SPOPL: variants seen among roughly 807,000 people sequenced by gnomAD.
The protein encoded by SPOPL is speckle type BTB/POZ protein like.
A neutral mutation model predicts 53.8 loss-of-function variants in SPOPL; 23 were observed. The ratio of observed to expected loss-of-function variants is 0.43; its 90% confidence interval spans 0.31 to 0.61. The LOEUF (loss-of-function observed/expected upper bound fraction) is 0.61. Ranked by LOEUF, SPOPL falls within the 20% of genes least tolerant of loss-of-function variation. The pLI, the probability that SPOPL is intolerant of heterozygous loss-of-function variation, is 0.12. For synonymous variants in SPOPL, 164 were observed against 149.7 expected (o/e 1.10, Z -0.70); for missense variants, 442 against 466.9 (o/e 0.95, Z 0.49).
intron 5 of SPOPL, 101 bp downstream of exon 5, chr2:138,552,782 GTTGA>G: frequency 2.3e-6 from 3 of 1,304,664 alleles, no homozygotes; most frequent in South Asian, 1.5e-5. Flanking sequence ...AATTGGTATA[GTTGA>G]TTGAGTTTCA....
chr2:138,560,398 A>G (rs1685517647), intron 7 of SPOPL, among the ~76,000 whole-genome samples: 1 of 152,086 alleles, frequency 6.6e-6, no homozygotes, highest in Non-Finnish European at 1.5e-5. Flanking sequence ...ACTGGTCAGA[A>G]ACTTAACACA....
At position 138,525,298 on chromosome 2, in the gene SPOPL, C is replaced by G. The variant is rs1449536895; in HGVS notation, c.-61+23179C>G. 2.6e-5 allele frequency among the ~76,000 whole-genome samples: 4 copies of G among 152,082 alleles called. No individual in the cohort carries two copies. In the East Asian group the frequency reaches 7.7e-4, roughly 29 times the overall value. On this transcript the variant is annotated intron_variant, in intron 1 of 10. Transcript: ENST00000280098. ...TATCATGAGAACAGCATGGGAAAGA[C>G]CCGCCCCCATGACTCGTCTCCCATC...
intron 1 of SPOPL, among the ~76,000 whole-genome samples, chr2:138,535,608 T>A (rs36035079): frequency 0.14 from 20,717 of 148,084 alleles, 1,670 homozygotes; most frequent in African/African-American, 0.21. Flanking sequence ...GATCCATGTG[T>A]TTGTGGGTTT....
At chr2:138,543,242 T>C (rs914755378) in intron 1 of SPOPL, among the ~76,000 whole-genome samples, 5 of 152,170 alleles carry the variant, frequency 3.3e-5, no homozygotes, top group African/African-American at 1.2e-4. Flanking sequence ...GGAGTATCTT[T>C]GTGGCATTCT....
In SPOPL at chr2:138,571,447, C is replaced by G. The variant is rs568322424; in HGVS notation, c.*2367C>G. On this transcript the variant is annotated 3_prime_UTR_variant, in exon 11 of 11. Coordinates refer to ENST00000280098, the MANE Select transcript of SPOPL (RefSeq NM_001001664.3). Reference sequence around the variant, plus strand: ...TGTACCAAAAATGTCAAACACTGTGCTGTAAGAATATCCATGTTTGTAGAA... The same window carrying G: ...TGTACCAAAAATGTCAAACACTGTGGTGTAAGAATATCCATGTTTGTAGAA... The G allele has an allele frequency of 9.8e-5, 15 of 152,458 alleles. No individual in the cohort carries two copies. Among genetic ancestry groups the G allele is most frequent in the African/African-American group, 3.6e-4 (15 of 41,480 alleles). 9.4% of individuals were successfully genotyped at this position (152,458 alleles called of 1,614,324 possible). A position where few individuals can be genotyped will look rare whatever the true frequency, so the allele number is the denominator to read the frequency against.
In SPOPL at chr2:138,527,937, C is replaced by T. The variant is rs369664080; in HGVS notation, c.-60-22220C>T. On this transcript the variant is annotated intron_variant, in intron 1 of 10. Coordinates refer to ENST00000280098, the MANE Select transcript of SPOPL (RefSeq NM_001001664.3). ...TGCATGCGTAAGCTGGGAACTGTTACACATGTCAAAGTAAGGAGGGCTTTA... is the reference window on the plus strand; with the variant it reads ...TGCATGCGTAAGCTGGGAACTGTTATACATGTCAAAGTAAGGAGGGCTTTA... Among the ~76,000 whole-genome samples, 39 of 152,312 alleles carry T rather than the reference C, an allele frequency of 2.6e-4. No homozygotes were observed. The East Asian group carries it at 6.9e-3, about 27-fold the overall frequency.
At chr2:138,550,787 T>G (rs1685296652) in intron 3 of SPOPL, 116 bp from the exon 4 acceptor site, 1 of 1,420,272 alleles carries the variant, frequency 7.0e-7, no homozygotes, top group Non-Finnish European at 9.5e-7. Context: ...GAGTGCTGTT[T>G]GTGACATTAA....
rs556971488 is a variant in SPOPL at position 138,547,244 on chromosome 2, G to A, written c.-60-2913G>A. Among the ~76,000 whole-genome samples the A allele has an allele frequency of 8.5e-5, 13 of 152,290 alleles. 1 individual carries two copies. The highest frequency in any genetic ancestry group is 2.9e-4 in the African/African-American group (12 of 41,554). ...GCCTCCCAAAGTGCTGGGATTACAGGCGTGAGCCACCGTGCCTGACTGTAG... is the reference window on the plus strand; with the variant it reads ...GCCTCCCAAAGTGCTGGGATTACAGACGTGAGCCACCGTGCCTGACTGTAG... On this transcript the variant is annotated intron_variant, in intron 1 of 10. Transcript: ENST00000280098.
chr2:138,555,851 CA>C lies in SPOPL; in HGVS notation c.481-3170del. 4.0e-5 allele frequency among the ~76,000 whole-genome samples: 6 copies of C among 151,622 alleles called. 2 individuals carry two copies. Among genetic ancestry groups the C allele is most frequent in the African/African-American group, 1.4e-4 (6 of 41,406 alleles). ...ATGACTTTGAGGTTTTGCTTTGCAACATTTAACAATTTTGAAGATTGCACAT... is the reference window on the plus strand; with the variant it reads ...ATGACTTTGAGGTTTTGCTTTGCAACTTTAACAATTTTGAAGATTGCACAT... On this transcript the variant is annotated intron_variant, in intron 5 of 10. Coordinates refer to ENST00000280098, the MANE Select transcript of SPOPL (RefSeq NM_001001664.3).
intron 1 of SPOPL, among the ~76,000 whole-genome samples, chr2:138,544,326 C>T (rs1055661123): frequency 1.3e-5 from 2 of 152,224 alleles, no homozygotes; most frequent in African/African-American, 2.4e-5. Flanking sequence ...GCCCTGCCCC[C>T]ACAGGTGGAG....
chr2:138,527,818 T>C (rs1046445818), intron 1 of SPOPL, among the ~76,000 whole-genome samples: 1 of 150,924 alleles, frequency 6.6e-6, no homozygotes, highest in Non-Finnish European at 1.5e-5. Context: ...TGTGTAGATC[T>C]GTTTCCCCAG....
At chr2:138,513,369 A>C (rs1684369919) in intron 1 of SPOPL, among the ~76,000 whole-genome samples, 3 of 152,174 alleles carry the variant, frequency 2.0e-5, no homozygotes, top group Admixed American at 2.0e-4. Context: ...GCCTGGCAAC[A>C]TGGTGAAACC....
Position 138,559,703 on chromosome 2 carries a change from A to T in SPOPL, c.714+366A>T, listed in dbSNP as rs114588541. 5.0e-3 allele frequency among the ~76,000 whole-genome samples: 755 copies of T among 152,324 alleles called. 7 individuals are homozygous for T. The highest frequency in any genetic ancestry group is 0.018 in the African/African-American group (729 of 41,572). ...GATTGATTTTTGGAATCTGTTTTCTAGCAACAAAAATAACATAGATGACAT... is the reference window on the plus strand; with the variant it reads ...GATTGATTTTTGGAATCTGTTTTCTTGCAACAAAAATAACATAGATGACAT... On this transcript the variant is annotated intron_variant, in intron 7 of 10. Transcript: ENST00000280098.
At chr2:138,549,919 G>A (rs1032017551) in intron 1 of SPOPL, among the ~76,000 whole-genome samples, 1 of 151,998 alleles carries the variant, frequency 6.6e-6, no homozygotes, top group African/African-American at 2.4e-5. Flanking sequence ...TGATTTTTTG[G>A]AGAACATGCC....
In SPOPL at chr2:138,559,159, G is replaced by T; in HGVS notation, c.618G>T (p.Val206=). ...NTRFTDCSFF[V]RGQEFKAHKS... ...GATTTACAGACTGCAGTTTTTTCGT[G>T]AGAGGACAAGAATTTAAAGCTCATA... The change falls in exon 6 of 11, where the codon GTG becomes GTT. Residue 206 remains valine, a synonymous_variant. Coordinates refer to ENST00000280098, the MANE Select transcript of SPOPL (RefSeq NM_001001664.3). 6.2e-7 allele frequency: 1 copy of T among 1,613,640 alleles called. No homozygotes were observed. The highest frequency in any genetic ancestry group is 8.5e-7 in the Non-Finnish European group (1 of 1,179,798).
intron 1 of SPOPL, among the ~76,000 whole-genome samples, chr2:138,518,701 C>T (rs1438835303): frequency 6.6e-6 from 1 of 152,150 alleles, no homozygotes; most frequent in Non-Finnish European, 1.5e-5. Context: ...ACTGCACATC[C>T]ACATTGCTTG....
chr2:138,546,479 A>G (rs1685197403), intron 1 of SPOPL, among the ~76,000 whole-genome samples: 1 of 152,226 alleles, frequency 6.6e-6, no homozygotes, highest in African/African-American at 2.4e-5. Context: ...AGAAAAAAAT[A>G]GAATCCTGGA....
intron 5 of SPOPL, among the ~76,000 whole-genome samples, chr2:138,554,741 A>G (rs1020786135): frequency 2.0e-5 from 3 of 152,252 alleles, no homozygotes; most frequent in African/African-American, 4.8e-5. Context: ...TTGAAATTCA[A>G]CAGATTTTAA....
chr2:138,540,464 C>T (rs1685044881), intron 1 of SPOPL, among the ~76,000 whole-genome samples: 1 of 152,150 alleles, frequency 6.6e-6, no homozygotes, highest in Admixed American at 6.5e-5. Flanking sequence ...TCCTTCACAT[C>T]TCTTGTAAGT....
Sources: gnomAD v4.1 joint callset for allele counts (sites outside exome capture counted in the v4.1 genomes callset) on GRCh38, gnomAD v4.1.1 for gene constraint, MANE v1.5 for transcripts, NCBI Gene and HGNC (gene_info 2026-07-23, HGNC 2026-07-21) for gene names.